The following GRM5 variants were observed in gnomAD, a reference collection of about 807,000 sequenced individuals.
GRM5 encodes glutamate metabotropic receptor 5, also known as metabotropic glutamate receptor 5.
GRM5 carries 19 observed loss-of-function variants against 83.1 expected under a neutral mutation model. The observed-to-expected ratio is 0.23, with a 90% CI of 0.16 to 0.34. The LOEUF (loss-of-function observed/expected upper bound fraction) is 0.34. Ranked by LOEUF, GRM5 falls within the 10% of genes least tolerant of loss-of-function variation. GRM5 has a pLI of 1.00. For synonymous variants in GRM5, 675 were observed against 633.6 expected, an observed-to-expected ratio of 1.07 and a Z score of -0.98; for missense variants, 1,160 against 1,588.3, an observed-to-expected ratio of 0.73 and a Z score of 4.58.
chr11:88,540,521 G>A (rs371110826), intron 8 of GRM5, among the ~76,000 whole-genome samples: 4 of 152,124 alleles, frequency 2.6e-5, no homozygotes, highest in East Asian at 1.9e-4. Context: ...AGCTGCCCAC[G>A]AGTGGGAATG....
intron 2 of GRM5, among the ~76,000 whole-genome samples, chr11:88,921,997 T>C (rs687767): frequency 0.6 from 90,555 of 151,554 alleles, 27,434 homozygotes; most frequent in South Asian, 0.74. Context: ...TTACATTAGC[T>C]ACAAATAAAA....
At chr11:88,976,396 C>CT (rs1409507087) in intron 2 of GRM5, among the ~76,000 whole-genome samples, 1 of 152,036 alleles carries the variant, frequency 6.6e-6, no homozygotes, top group East Asian at 1.9e-4. Flanking sequence ...TTCAATGTCA[C>CT]TTTTTTTATT....
At chr11:88,631,608 C>T (rs1349606055) in intron 4 of GRM5, among the ~76,000 whole-genome samples, 2 of 152,102 alleles carry the variant, frequency 1.3e-5, no homozygotes, top group African/African-American at 2.4e-5. Context: ...AACTGGCCCC[C>T]GGTTACAGAG....
chr11:89,040,120 C>T (rs569436105), intron 2 of GRM5, among the ~76,000 whole-genome samples: 1 of 151,938 alleles, frequency 6.6e-6, no homozygotes, highest in East Asian at 1.9e-4. Flanking sequence ...TACGAACATT[C>T]TTTGTAGTGC....
chr11:88,528,025 C>T (rs932869296), intron 8 of GRM5, among the ~76,000 whole-genome samples: 1 of 151,898 alleles, frequency 6.6e-6, no homozygotes, highest in African/African-American at 2.4e-5. Flanking sequence ...GCATATTATA[C>T]CCCTGCAAAA....
At chr11:88,820,176 C>G (rs1473597613) in intron 3 of GRM5, among the ~76,000 whole-genome samples, 2 of 150,628 alleles carry the variant, frequency 1.3e-5, no homozygotes, top group African/African-American at 4.9e-5. Context: ...GACAGGAGAT[C>G]GAGACCATTC....
At chr11:88,807,394 TTA>T (rs1943516235) in intron 3 of GRM5, among the ~76,000 whole-genome samples, 1 of 152,146 alleles carries the variant, frequency 6.6e-6, no homozygotes, top group African/African-American at 2.4e-5. Flanking sequence ...TCTTGTCACT[TTA>T]TTTTATTTTA....
intron 2 of GRM5, among the ~76,000 whole-genome samples, chr11:88,966,030 G>C (rs376789156): frequency 6.6e-6 from 1 of 151,990 alleles, no homozygotes; most frequent in African/African-American, 2.4e-5. Flanking sequence ...ATTTACGAAA[G>C]TAAAAATCAT....
At chr11:89,056,088 GTTAT>G (rs1941867966) in intron 1 of GRM5, among the ~76,000 whole-genome samples, 1 of 152,066 alleles carries the variant, frequency 6.6e-6, no homozygotes, top group Admixed American at 6.6e-5. Context: ...AGATATTAAG[GTTAT>G]TTATAGATTT....
At chr11:88,751,611 C>G (rs2135428029) in intron 3 of GRM5, among the ~76,000 whole-genome samples, 1 of 152,238 alleles carries the variant, frequency 6.6e-6, no homozygotes, top group South Asian at 2.1e-4. Flanking sequence ...TCTATGAGGC[C>G]AGCATCATCC....
chr11:88,859,667 C>G (rs1944530071), intron 2 of GRM5, among the ~76,000 whole-genome samples: 1 of 152,072 alleles, frequency 6.6e-6, no homozygotes, highest in Non-Finnish European at 1.5e-5. Flanking sequence ...CTTTGCCCTC[C>G]ATATATTGTT....
rs148343362 is a variant in GRM5 at position 88,604,809 on chromosome 11, G to A, written c.1303C>T (p.Arg435Trp). 18 of 1,613,290 alleles carry A rather than the reference G, an allele frequency of 1.1e-5. No individual in the cohort carries two copies. The highest frequency in any genetic ancestry group is 1.4e-5 in the Non-Finnish European group (17 of 1,179,424). Residue 435 changes from arginine to tryptophan, a missense_variant, in exon 5 of 10, where the codon CGG (arginine) becomes TGG (tryptophan). Physicochemically the swap from Arg to Trp is moderately radical, Grantham distance 101 (BLOSUM62 -3). Around this residue, in one of 9 missense-constraint regions of GRM5, gnomAD observed 132 missense variants for 197.6 expected, o/e 0.67. Coordinates refer to ENST00000305447, the MANE Select transcript of GRM5 (RefSeq NM_001143831.3). ...TTCATCAGGGACTCCAAAAGTTTCC[G>A]TCCATCAATTGGCTTCATGGCATCA... ...LCDAMKPIDG[R>W]KLLESLMKTN...
chr11:88,874,346 T>G (rs970161148), intron 2 of GRM5, among the ~76,000 whole-genome samples: 1 of 151,760 alleles, frequency 6.6e-6, no homozygotes, highest in Non-Finnish European at 1.5e-5. Context: ...GAAGGGACAG[T>G]CTCCTTAATA....
chr11:88,558,519 T>A (rs939064304), intron 8 of GRM5, among the ~76,000 whole-genome samples: 1 of 152,044 alleles, frequency 6.6e-6, no homozygotes, highest in Admixed American at 6.6e-5. Flanking sequence ...TGTAATTTTG[T>A]TCTAAGGGGA....
intron 2 of GRM5, among the ~76,000 whole-genome samples, chr11:88,931,247 C>T (rs933799184): frequency 2.2e-4 from 33 of 151,638 alleles, no homozygotes; most frequent in African/African-American, 8.0e-4. Flanking sequence ...CTTCATCTTA[C>T]TTATTCAACA....
chr11:88,771,091 C>T (rs1942727779), intron 3 of GRM5, among the ~76,000 whole-genome samples: 1 of 151,986 alleles, frequency 6.6e-6, no homozygotes, highest in Non-Finnish European at 1.5e-5. Context: ...ATAGCATAGA[C>T]AGACAAGGAA....
intron 2 of GRM5, among the ~76,000 whole-genome samples, chr11:88,945,801 C>A (rs1338792769): frequency 3.3e-5 from 5 of 151,918 alleles, no homozygotes; most frequent in African/African-American, 4.8e-5. Flanking sequence ...AAGCCTAGAA[C>A]AAACCGTTCT....
At chr11:88,619,348 C>T (rs1469442901) in intron 4 of GRM5, among the ~76,000 whole-genome samples, 3 of 152,110 alleles carry the variant, frequency 2.0e-5, no homozygotes, top group South Asian at 2.1e-4. Flanking sequence ...GCCTAAATGC[C>T]ATTTTATGGA....
chr11:88,856,112 C>T (rs899203996), intron 2 of GRM5, among the ~76,000 whole-genome samples: 6 of 151,922 alleles, frequency 3.9e-5, no homozygotes, highest in Non-Finnish European at 8.8e-5. Flanking sequence ...TTATCTTTTC[C>T]TCACAAGGAA....
Sources: allele counts gnomAD v4.1 joint callset (sites outside exome capture counted in the v4.1 genomes callset), GRCh38; gene constraint gnomAD v4.1.1; regional missense constraint gnomAD v4.1.1; transcripts MANE v1.5; gene names NCBI Gene and HGNC (gene_info 2026-07-23, HGNC 2026-07-21).